The following CCDC91 variants were observed in gnomAD, a reference collection of about 807,000 sequenced individuals.
CCDC91 encodes coiled-coil domain containing 91, also known as coiled-coil domain-containing protein 91.
In CCDC91, 48 loss-of-function variants were observed where a neutral mutation model predicts 63.2. That is an observed-to-expected ratio of 0.76 (90% CI 0.60 to 0.97). The LOEUF (loss-of-function observed/expected upper bound fraction) is 0.97. CCDC91 is among the 50% of genes least tolerant of loss of function. CCDC91 has a pLI of 0.00. For missense variants in CCDC91, 500 were observed against 494.6 expected (o/e 1.01, Z -0.10); for synonymous variants, 167 against 165.8 (o/e 1.01, Z -0.06).
chr12:28,246,749 T>G (rs574822514), intron 1 of CCDC91, among the ~76,000 whole-genome samples: 3 of 152,150 alleles, frequency 2.0e-5, no homozygotes, highest in Non-Finnish European at 4.4e-5. Flanking sequence ...AGATGGTCAC[T>G]AGAGGAGACA....
chr12:28,207,569 G>A (rs748237252), intron 1 of CCDC91, among the ~76,000 whole-genome samples: 3 of 152,116 alleles, frequency 2.0e-5, no homozygotes, highest in Non-Finnish European at 4.4e-5. Context: ...CAGAAAACAT[G>A]CATTGAAAAT....
At chr12:28,290,657 C>T (rs1311709787) in intron 3 of CCDC91, among the ~76,000 whole-genome samples, 1 of 152,114 alleles carries the variant, frequency 6.6e-6, no homozygotes, top group Non-Finnish European at 1.5e-5. Context: ...ATAAAGCTTT[C>T]ATCAATGCAA....
chr12:28,327,183 T>C (rs1941091623), intron 6 of CCDC91, among the ~76,000 whole-genome samples: 1 of 151,972 alleles, frequency 6.6e-6, no homozygotes. Flanking sequence ...AAGTCCTCAG[T>C]AAGGTTTTCC....
chr12:28,399,101 C>T (rs1375745350), intron 8 of CCDC91, among the ~76,000 whole-genome samples: 4 of 152,212 alleles, frequency 2.6e-5, no homozygotes, highest in Non-Finnish European at 2.9e-5. Context: ...TTCTGCATGG[C>T]TGGGGAGGTT....
intron 6 of CCDC91, among the ~76,000 whole-genome samples, chr12:28,344,051 G>C (rs576666613): frequency 5.3e-5 from 8 of 151,972 alleles, no homozygotes; most frequent in African/African-American, 1.4e-4. Context: ...ATCTAAAATA[G>C]TTATTTTATT....
chr12:28,481,492 A>G (rs1292034047), intron 11 of CCDC91, among the ~76,000 whole-genome samples: 3 of 151,968 alleles, frequency 2.0e-5, no homozygotes, highest in Non-Finnish European at 4.4e-5. Flanking sequence ...CTTGCAAGCT[A>G]TGTTTTATTT....
intron 1 of CCDC91, among the ~76,000 whole-genome samples, chr12:28,219,606 G>A (rs963704392): frequency 6.6e-6 from 1 of 151,628 alleles, no homozygotes; most frequent in African/African-American, 2.4e-5. Context: ...CAAGTAGCTG[G>A]GACTACAGGT....
chr12:28,361,524 A>T (rs1442393504), intron 6 of CCDC91, among the ~76,000 whole-genome samples: 1 of 151,570 alleles, frequency 6.6e-6, no homozygotes, highest in Non-Finnish European at 1.5e-5. Context: ...CTTTTAAAAG[A>T]TTTTTAAAAA....
Position 28,519,165 on chromosome 12 carries a change from C to T in CCDC91, c.1216-29898C>T, listed in dbSNP as rs572373414. On this transcript the variant is annotated intron_variant, in intron 12 of 12. Coordinates refer to ENST00000536442, the MANE Select transcript of CCDC91 (RefSeq NM_018318.5). ...TATGATCATTTTCACAATATTGATT[C>T]TGTCCATCCATGCGCATGGAATGTA... Among the ~76,000 whole-genome samples the T allele has an allele frequency of 3.9e-5, 6 of 152,064 alleles. No individual in the cohort carries two copies. The South Asian group carries it at 1.0e-3, about 26-fold the overall frequency.
chr12:28,239,754 T>C (rs547180910), intron 1 of CCDC91, among the ~76,000 whole-genome samples: 1 of 152,282 alleles, frequency 6.6e-6, no homozygotes, highest in Admixed American at 6.5e-5. Flanking sequence ...AGGCTGTTAC[T>C]TAGAACTATA....
intron 8 of CCDC91, among the ~76,000 whole-genome samples, chr12:28,397,295 C>G (rs767778398): frequency 6.6e-6 from 1 of 152,076 alleles, no homozygotes; most frequent in Non-Finnish European, 1.5e-5. Flanking sequence ...AAGTAGATTA[C>G]AGGATGAGAA....
At chr12:28,208,674 T>C (rs1943020201) in intron 1 of CCDC91, among the ~76,000 whole-genome samples, 1 of 152,240 alleles carries the variant, frequency 6.6e-6, no homozygotes, top group Non-Finnish European at 1.5e-5. Context: ...AAAATGATGA[T>C]TTAAAAAATT....
intron 12 of CCDC91, among the ~76,000 whole-genome samples, chr12:28,548,436 AT>A (rs1413693944): frequency 6.6e-6 from 1 of 151,936 alleles, no homozygotes; most frequent in Non-Finnish European, 1.5e-5. Flanking sequence ...TGCGCAGCTA[AT>A]TTTTTATATA....
At chr12:28,339,500 T>G (rs1176869893) in intron 6 of CCDC91, among the ~76,000 whole-genome samples, 1 of 151,932 alleles carries the variant, frequency 6.6e-6, no homozygotes, top group Non-Finnish European at 1.5e-5. Flanking sequence ...ATCTGCAGAT[T>G]TGATCGACTG....
intron 3 of CCDC91, among the ~76,000 whole-genome samples, chr12:28,304,402 G>GAAA (rs57660180): frequency 1.0e-5 from 1 of 99,274 alleles, no homozygotes; most frequent in Non-Finnish European, 1.9e-5. Context: ...AAAAAAAAAA[G>GAAA]AAAAAAAAAA....
At chr12:28,439,338 G>T (rs542836615) in intron 8 of CCDC91, among the ~76,000 whole-genome samples, 1 of 152,052 alleles carries the variant, frequency 6.6e-6, no homozygotes, top group East Asian at 1.9e-4. Flanking sequence ...TGAAATGTCC[G>T]TGAATCATTT....
intron 11 of CCDC91, among the ~76,000 whole-genome samples, chr12:28,474,997 C>T (rs1242195444): frequency 6.6e-6 from 1 of 152,058 alleles, no homozygotes; most frequent in Admixed American, 6.6e-5. Context: ...GGAATGGTTA[C>T]ACAGGGACGT....
At chr12:28,308,524 C>A (rs1325307351) in intron 6 of CCDC91, among the ~76,000 whole-genome samples, 2 of 151,984 alleles carry the variant, frequency 1.3e-5, no homozygotes, top group African/African-American at 4.8e-5. Context: ...AAGCCAGGTC[C>A]TTAAACTGGT....
chr12:28,291,305 T>C (rs774848130), intron 3 of CCDC91, among the ~76,000 whole-genome samples: 6 of 152,210 alleles, frequency 3.9e-5, no homozygotes, highest in African/African-American at 4.8e-5. Flanking sequence ...CAGGTAAATA[T>C]AGCAGATGAG....
Sources: allele counts gnomAD v4.1 joint callset (sites outside exome capture counted in the v4.1 genomes callset), GRCh38; gene constraint gnomAD v4.1.1; transcripts MANE v1.5; gene names NCBI Gene and HGNC (gene_info 2026-07-23, HGNC 2026-07-21).